ADD2: variants seen among roughly 807,000 people sequenced by gnomAD.
ADD2 encodes the protein adducin 2, also known as beta-adducin.
In ADD2, 23 loss-of-function variants were observed where a neutral mutation model predicts 83.0. That is an observed-to-expected ratio of 0.28 (90% confidence interval 0.20 to 0.39). The LOEUF (loss-of-function observed/expected upper bound fraction) is 0.39, where lower values mean the gene tolerates loss of function less well. Ranked by LOEUF, ADD2 falls within the 10% of genes least tolerant of loss-of-function variation. The pLI is 1.00. For synonymous variants in ADD2, 375 were observed against 375.4 expected (o/e 1.00, Z 0.01); for missense variants, 758 against 944.9 (o/e 0.80, Z 2.59).
At chr2:70,744,128 C>A (rs782418195) in intron 1 of ADD2, among the ~76,000 whole-genome samples, 2 of 152,148 alleles carry the variant, frequency 1.3e-5, no homozygotes, top group Non-Finnish European at 2.9e-5. Context: ...AATAGGGCAA[C>A]ATAGTCACCA....
intron 1 of ADD2, among the ~76,000 whole-genome samples, chr2:70,729,370 G>A (rs1357678261): frequency 6.6e-6 from 1 of 152,126 alleles, no homozygotes; most frequent in Non-Finnish European, 1.5e-5. Flanking sequence ...TTGGTTGGTT[G>A]GTTTTCAGCT....
rs547463326 is a variant in ADD2 at position 70,729,620 on chromosome 2, A to C, written c.-153-16436T>G. Among the ~76,000 whole-genome samples, 11 of 152,334 alleles carry C rather than the reference A, an allele frequency of 7.2e-5. No homozygotes were observed. In the South Asian group the frequency reaches 2.1e-3, roughly 29 times the overall value. ...CAGTTTCTGTCCTCCACACCTCTGC[A>C]AAATATGGCAGGACATGCTTCATTT... On this transcript the variant is annotated intron_variant, in intron 1 of 15. Transcript: ENST00000264436.
intron 8 of ADD2, among the ~76,000 whole-genome samples, chr2:70,689,061 G>T (rs1553371044): frequency 6.6e-6 from 1 of 151,980 alleles, no homozygotes; most frequent in African/African-American, 2.4e-5. Context: ...TCGCACCATT[G>T]TACCCCAGTC....
Position 70,684,584 on chromosome 2 carries a change from T to C in ADD2, c.949-817A>G, listed in dbSNP as rs1006664951. On this transcript the variant is annotated intron_variant, in intron 9 of 15. Coordinates refer to ENST00000264436, the MANE Select transcript of ADD2 (RefSeq NM_001617.4). ...TTTTTTAAAAGTCACTTGAAAGAAA[T>C]AGGCTGGCTCCCAAGCCAATGAAAT... Among the ~76,000 whole-genome samples the C allele has an allele frequency of 7.2e-5, 11 of 152,076 alleles. No homozygotes were observed. The East Asian group carries it at 1.3e-3, about 19-fold the overall frequency.
Position 70,734,742 on chromosome 2 carries a change from A to C in ADD2, c.-153-21558T>G, listed in dbSNP as rs80263136. ...CATTCAGGACAGTCTTATCCAAAAA[A>C]CAACCATGTGCTTAATTCTCTGAAT... On this transcript the variant is annotated intron_variant, in intron 1 of 15. Transcript: ENST00000264436. Among the ~76,000 whole-genome samples, 628 of 152,312 alleles carry C rather than the reference A, an allele frequency of 4.1e-3. 2 individuals are homozygous for C. The highest frequency in any genetic ancestry group is 0.014 in the African/African-American group (602 of 41,580).
chr2:70,704,263 T>TAGG, intron 4 of ADD2, 58 bp downstream of exon 4: 1 of 913,236 alleles, frequency 1.1e-6, no homozygotes, highest in Non-Finnish European at 1.7e-6. Flanking sequence ...CTCCCTCTCT[T>TAGG]CCCCACCCCA....
chr2:70,717,527 C>T (rs782681928), intron 1 of ADD2, among the ~76,000 whole-genome samples: 1 of 152,164 alleles, frequency 6.6e-6, no homozygotes, highest in Admixed American at 6.5e-5. Context: ...CGCAAGCTGC[C>T]ACTTCCCAGG....
At chr2:70,712,468 A>AAAG (rs1558552215) in intron 2 of ADD2, among the ~76,000 whole-genome samples, 6 of 151,804 alleles carry the variant, frequency 4.0e-5, no homozygotes, top group African/African-American at 1.5e-4. Flanking sequence ...AATAAAAAAA[A>AAAG]AAAAAAAGAA....
At chr2:70,673,058 G>C in intron 14 of ADD2, 52 bp from the exon 15 acceptor site, 1 of 1,587,224 alleles carries the variant, frequency 6.3e-7, no homozygotes, top group Non-Finnish European at 8.6e-7. Context: ...AGAAGAGATG[G>C]GCAGGGAAAT....
chr2:70,678,561 C>A, intron 11 of ADD2, 143 bp downstream of exon 11: 1 of 1,235,936 alleles, frequency 8.1e-7, no homozygotes, highest in Admixed American at 2.7e-5. Flanking sequence ...AGCAGCTGCT[C>A]CCAGAGGCCT....
intron 1 of ADD2, among the ~76,000 whole-genome samples, chr2:70,732,311 C>G (rs1053862369): frequency 3.3e-5 from 5 of 152,186 alleles, no homozygotes; most frequent in African/African-American, 9.7e-5. Flanking sequence ...CTACACAGAT[C>G]CAGATGCATG....
At chr2:70,690,645 C>T in intron 8 of ADD2, 141 bp downstream of exon 8, 1 of 969,184 alleles carries the variant, frequency 1.0e-6, no homozygotes, top group Non-Finnish European at 1.5e-6. Context: ...ACAGCAAAAT[C>T]TCAGGGTAGT....
At chr2:70,673,259 G>A in intron 14 of ADD2, 1 of 1,614,070 alleles carries the variant, frequency 6.2e-7, no homozygotes, top group Non-Finnish European at 8.5e-7. Flanking sequence ...TACTCCAGAT[G>A]TGGAGGGCAA....
intron 1 of ADD2, among the ~76,000 whole-genome samples, chr2:70,730,731 A>G (rs1227763780): frequency 3.3e-5 from 5 of 152,244 alleles, no homozygotes; most frequent in African/African-American, 4.8e-5. Context: ...CACATATGTG[A>G]TGGTGGTCCC....
chr2:70,687,187 C>A (rs1359017640), intron 9 of ADD2: 3 of 152,376 alleles, frequency 2.0e-5, no homozygotes, highest in African/African-American at 4.8e-5. Flanking sequence ...AAGTCCTCTA[C>A]CCAAGGGCAC....
In ADD2 at chr2:70,660,003, C is replaced by G. The variant is rs782060577; in HGVS notation, c.*3422G>C. The G allele has an allele frequency of 1.3e-5, 2 of 152,218 alleles. No individual in the cohort carries two copies. The highest frequency in any genetic ancestry group is 2.4e-5 in the African/African-American group (1 of 41,462). The allele number at this position is 152,218 out of a possible 1,614,324, so 9.4% of individuals were successfully genotyped here. On this transcript the variant is annotated 3_prime_UTR_variant, in exon 16 of 16. Transcript: ENST00000264436. Reference sequence around the variant, plus strand: ...GAACCTACTGCCCACCAAATCTGAGCTCTTGAATACACATTTTCTCCAGTC... The same window carrying G: ...GAACCTACTGCCCACCAAATCTGAGGTCTTGAATACACATTTTCTCCAGTC...
At chr2:70,761,916 G>A (rs1048870208) in intron 1 of ADD2, among the ~76,000 whole-genome samples, 4 of 151,420 alleles carry the variant, frequency 2.6e-5, no homozygotes, top group Admixed American at 6.6e-5. Context: ...CGATCTACCC[G>A]CCCTGGCCTC....
chr2:70,762,850 C>T (rs1055909700), intron 1 of ADD2, among the ~76,000 whole-genome samples: 2 of 151,124 alleles, frequency 1.3e-5, no homozygotes, highest in African/African-American at 2.5e-5. Flanking sequence ...GGATTAGAGG[C>T]GCCCACCACC....
At chr2:70,767,795 G>A (rs184377465) in intron 1 of ADD2, 91 bp downstream of exon 1, 4 of 1,506,810 alleles carry the variant, frequency 2.7e-6, no homozygotes, top group Admixed American at 4.3e-5. Flanking sequence ...TGGGCCAAGC[G>A]GCTCCCGCCC....
Sources: gnomAD v4.1 joint callset for allele counts (sites outside exome capture counted in the v4.1 genomes callset) on GRCh38, gnomAD v4.1.1 for gene constraint, MANE v1.5 for transcripts, NCBI Gene and HGNC (gene_info 2026-07-23, HGNC 2026-07-21) for gene names.